Variants in STAG1 observed in about 807,000 individuals in gnomAD.
The protein encoded by STAG1 is cohesin subunit SA-1.
In STAG1, 26 loss-of-function variants were observed where a neutral mutation model predicts 170.9. That is an observed-to-expected ratio of 0.15 (90% CI 0.11 to 0.21). The LOEUF (loss-of-function observed/expected upper bound fraction) is 0.21. STAG1 is among the 10% of genes least tolerant of loss of function. The probability of loss-of-function intolerance (pLI) is 1.00; values close to 1 mark genes in which losing one functional copy is unlikely to be tolerated. For synonymous variants in STAG1, 514 were observed against 497.7 expected (o/e 1.03, Z -0.44); for missense variants, 964 against 1,509.5 (o/e 0.64, Z 5.99).
chr3:136,653,118 C>T (rs570479563), intron 1 of STAG1, among the ~76,000 whole-genome samples: 1 of 152,012 alleles, frequency 6.6e-6, no homozygotes, highest in East Asian at 1.9e-4. Flanking sequence ...ACTAAAAATA[C>T]AAAATTTGCC....
intron 1 of STAG1, among the ~76,000 whole-genome samples, chr3:136,705,027 T>C (rs902290082): frequency 6.6e-6 from 1 of 151,822 alleles, no homozygotes; most frequent in African/African-American, 2.4e-5. Context: ...ATAACAATAA[T>C]AAAACTTCAC....
At chr3:136,460,689 C>A (rs374978364) in intron 13 of STAG1, among the ~76,000 whole-genome samples, 38 of 150,308 alleles carry the variant, frequency 2.5e-4, no homozygotes, top group African/African-American at 6.6e-4. Flanking sequence ...GTCTCCCCCC[C>A]CAAAAAAAAA....
intron 22 of STAG1, among the ~76,000 whole-genome samples, chr3:136,392,843 T>C (rs527583540): frequency 6.6e-6 from 1 of 152,176 alleles, no homozygotes; most frequent in Non-Finnish European, 1.5e-5. Context: ...AAGAGTCAGT[T>C]TTATTTTGTT....
At chr3:136,375,597 G>A (rs1156622785) in intron 23 of STAG1, among the ~76,000 whole-genome samples, 1 of 152,094 alleles carries the variant, frequency 6.6e-6, no homozygotes, top group African/African-American at 2.4e-5. Context: ...AATCCACAGG[G>A]AATACTTTTT....
chr3:136,555,705 GTCAA>G (rs1005455412), intron 5 of STAG1, among the ~76,000 whole-genome samples: 16 of 133,006 alleles, frequency 1.2e-4, no homozygotes, highest in Admixed American at 6.4e-4. Context: ...CAATCAATCA[GTCAA>G]TCAATCAATC....
At chr3:136,625,805 T>G (rs1362892188) in intron 2 of STAG1, among the ~76,000 whole-genome samples, 1 of 152,256 alleles carries the variant, frequency 6.6e-6, no homozygotes, top group Non-Finnish European at 1.5e-5. Flanking sequence ...GCCAGTAATA[T>G]TCTCACATCA....
chr3:136,678,964 T>G (rs1349817785), intron 1 of STAG1, among the ~76,000 whole-genome samples: 5 of 148,642 alleles, frequency 3.4e-5, no homozygotes, highest in Non-Finnish European at 7.4e-5. Flanking sequence ...AGGGCAAATT[T>G]TATTTCAACA....
At chr3:136,342,781 A>C (rs999908646) in intron 30 of STAG1, among the ~76,000 whole-genome samples, 1 of 152,260 alleles carries the variant, frequency 6.6e-6, no homozygotes, top group Non-Finnish European at 1.5e-5. Flanking sequence ...AGGGAAAAGA[A>C]GGCAGACCAT....
chr3:136,463,770 T>TACACAC (rs375928916), intron 13 of STAG1, among the ~76,000 whole-genome samples: 31,033 of 125,980 alleles, frequency 0.25, 4,959 homozygotes, highest in East Asian at 0.69. Context: ...TGTGTGTGTA[T>TACACAC]ACACACACAC....
intron 22 of STAG1, among the ~76,000 whole-genome samples, chr3:136,393,899 A>C (rs1324014717): frequency 6.6e-6 from 1 of 151,974 alleles, no homozygotes; most frequent in Non-Finnish European, 1.5e-5. Flanking sequence ...TCCAGCCTGA[A>C]ACATGGATTT....
chr3:136,440,389 G>T (rs1340332031), intron 15 of STAG1, among the ~76,000 whole-genome samples: 1 of 151,818 alleles, frequency 6.6e-6, no homozygotes, highest in African/African-American at 2.4e-5. Context: ...CACCCATCTT[G>T]GCCTCCCAAA....
At chr3:136,471,684 T>A (rs772438704) in intron 12 of STAG1, among the ~76,000 whole-genome samples, 26 of 152,186 alleles carry the variant, frequency 1.7e-4, no homozygotes, top group Non-Finnish European at 3.1e-4. Context: ...CCTGTAGAAA[T>A]ACAGCTATAA....
At chr3:136,535,251 A>C (rs1362169711) in intron 6 of STAG1, among the ~76,000 whole-genome samples, 2 of 152,234 alleles carry the variant, frequency 1.3e-5, no homozygotes, top group African/African-American at 4.8e-5. Context: ...GTGAGGAGGA[A>C]ACAGAGAGGT....
chr3:136,516,878 G>T (rs1934405566), intron 7 of STAG1, among the ~76,000 whole-genome samples: 1 of 152,152 alleles, frequency 6.6e-6, no homozygotes. Flanking sequence ...AAAAGACAGA[G>T]ACGAATATGA....
intron 4 of STAG1, among the ~76,000 whole-genome samples, chr3:136,592,610 C>T (rs1161679836): frequency 6.6e-6 from 1 of 152,148 alleles, no homozygotes; most frequent in African/African-American, 2.4e-5. Context: ...CCAACTTTCT[C>T]CTGATGGTGA....
In STAG1 at chr3:136,692,307, C is replaced by A. The variant is rs543237981; in HGVS notation, c.-84+59888G>T. On this transcript the variant is annotated intron_variant, in intron 1 of 33. Coordinates refer to ENST00000383202, the MANE Select transcript of STAG1 (RefSeq NM_005862.3). ...CCAGCCTGGGTGACTAAGCAAGACT[C>A]CATCTCAAAAAAAAAAAAAAAAAAA... 6.6e-5 allele frequency among the ~76,000 whole-genome samples: 7 copies of A among 105,438 alleles called. No individual in the cohort carries two copies. In the East Asian group the frequency reaches 1.2e-3, roughly 18 times the overall value. 69.2% of individuals were successfully genotyped at this position (105,438 alleles called of 152,430 possible). A position where few individuals can be genotyped will look rare whatever the true frequency, so the allele number is the denominator to read the frequency against.
At chr3:136,391,643 G>A (rs1157751165) in intron 22 of STAG1, among the ~76,000 whole-genome samples, 1 of 152,222 alleles carries the variant, frequency 6.6e-6, no homozygotes, top group African/African-American at 2.4e-5. Context: ...CCAAAGTGCT[G>A]GGATTACAGG....
At chr3:136,478,677 C>A (rs186361491) in intron 9 of STAG1, among the ~76,000 whole-genome samples, 3 of 152,118 alleles carry the variant, frequency 2.0e-5, no homozygotes, top group Non-Finnish European at 4.4e-5. Flanking sequence ...AGTCTCAGTT[C>A]TCTCTAGGCT....
chr3:136,536,703 CAAAAAAA>C (rs11321017), intron 6 of STAG1, among the ~76,000 whole-genome samples: 5 of 70,962 alleles, frequency 7.0e-5, no homozygotes, highest in East Asian at 4.5e-4. Context: ...ACTCAGTCTC[CAAAAAAA>C]AAAAAAAAAA....
Sources: allele counts gnomAD v4.1 joint callset (sites outside exome capture counted in the v4.1 genomes callset), GRCh38; gene constraint gnomAD v4.1.1; transcripts MANE v1.5; gene names NCBI Gene and HGNC (gene_info 2026-07-23, HGNC 2026-07-21).